GPC6: variants seen among roughly 807,000 people sequenced by gnomAD.
The protein encoded by GPC6 is glypican-6.
A neutral mutation model predicts 55.2 loss-of-function variants in GPC6; 14 were observed. The ratio of observed to expected loss-of-function variants is 0.25; its 90% CI spans 0.17 to 0.40. GPC6 has a LOEUF of 0.40. Among genes scored for constraint, GPC6 ranks in the 10% least tolerant of loss-of-function variants. The probability of loss-of-function intolerance (pLI) is 1.00; values close to 1 mark genes in which losing one functional copy is unlikely to be tolerated. For synonymous variants in GPC6, 278 were observed against 259.6 expected, an observed-to-expected ratio of 1.07 and a Z score of -0.68; for missense variants, 641 against 708.5, an observed-to-expected ratio of 0.90 and a Z score of 1.08.
intron 3 of GPC6, among the ~76,000 whole-genome samples, chr13:93,921,066 A>G (rs2140345117): frequency 6.6e-6 from 1 of 152,276 alleles, no homozygotes; most frequent in African/African-American, 2.4e-5. Context: ...AGTTGTCTCT[A>G]TCAGTCCTGC....
At chr13:93,510,744 A>G (rs1880924025) in intron 1 of GPC6, among the ~76,000 whole-genome samples, 1 of 151,254 alleles carries the variant, frequency 6.6e-6, no homozygotes, top group Non-Finnish European at 1.5e-5. Context: ...ACTGTTTTCT[A>G]CTAGCGTGTT....
chr13:93,433,252 T>C (rs987907011), intron 1 of GPC6, among the ~76,000 whole-genome samples: 4 of 152,132 alleles, frequency 2.6e-5, no homozygotes, highest in Admixed American at 2.6e-4. Flanking sequence ...ATGAGATTCA[T>C]AGGAAATATT....
At chr13:93,821,299 C>T (rs917134279) in intron 2 of GPC6, among the ~76,000 whole-genome samples, 1 of 152,080 alleles carries the variant, frequency 6.6e-6, no homozygotes, top group South Asian at 2.1e-4. Context: ...GAAACTGTTA[C>T]GGTATTTCGT....
At chr13:93,981,516 G>A (rs961796259) in intron 3 of GPC6, among the ~76,000 whole-genome samples, 2 of 152,100 alleles carry the variant, frequency 1.3e-5, no homozygotes, top group African/African-American at 4.8e-5. Flanking sequence ...AATCATATCA[G>A]TGGCTCAGAA....
intron 6 of GPC6, among the ~76,000 whole-genome samples, chr13:94,337,416 G>A (rs187263717): frequency 2.4e-4 from 37 of 151,936 alleles, no homozygotes; most frequent in Non-Finnish European, 2.9e-4. Flanking sequence ...AACATAGATA[G>A]TACATTTAAT....
chr13:93,921,878 C>T (rs1877593193), intron 3 of GPC6, among the ~76,000 whole-genome samples: 1 of 151,622 alleles, frequency 6.6e-6, no homozygotes, highest in African/African-American at 2.4e-5. Flanking sequence ...GGAGCCTTTG[C>T]TGGGGAACTG....
intron 2 of GPC6, among the ~76,000 whole-genome samples, chr13:93,699,856 T>A (rs1007900915): frequency 1.6e-4 from 24 of 152,192 alleles, no homozygotes; most frequent in African/African-American, 4.6e-4. Flanking sequence ...CTTAGAGAAA[T>A]CTTTCCTAAT....
chr13:93,784,689 T>A (rs145646356), intron 2 of GPC6, among the ~76,000 whole-genome samples: 1 of 152,228 alleles, frequency 6.6e-6, no homozygotes, highest in African/African-American at 2.4e-5. Flanking sequence ...ATTTTATGTA[T>A]GCTTGAAGAG....
At chr13:94,288,854 A>G (rs1302032270) in intron 5 of GPC6, among the ~76,000 whole-genome samples, 974 of 53,402 alleles carry the variant, frequency 0.018, 9 homozygotes, top group Non-Finnish European at 0.031. Context: ...AATATATATA[A>G]TAAATATATA....
At chr13:93,909,207 C>A (rs1876833454) in intron 3 of GPC6, among the ~76,000 whole-genome samples, 1 of 152,080 alleles carries the variant, frequency 6.6e-6, no homozygotes, top group Non-Finnish European at 1.5e-5. Context: ...ACTTCAATTT[C>A]TCTAGGAGCC....
At chr13:93,982,055 C>T (rs1262409263) in intron 3 of GPC6, among the ~76,000 whole-genome samples, 1 of 152,052 alleles carries the variant, frequency 6.6e-6, no homozygotes, top group Non-Finnish European at 1.5e-5. Context: ...GTGGAATGGT[C>T]ACTTGGGGTA....
chr13:94,257,776 C>A lies in GPC6; in HGVS notation c.878-28573C>A, dbSNP rs557144101. On this transcript the variant is annotated intron_variant, in intron 4 of 8. Coordinates refer to ENST00000377047, the MANE Select transcript of GPC6 (RefSeq NM_005708.5). ...ACATCATTTTATTGTAATACTGCAACCGCCCTGGCAAAAGAGACCATTAAC... is the reference window on the plus strand; with the variant it reads ...ACATCATTTTATTGTAATACTGCAAACGCCCTGGCAAAAGAGACCATTAAC... Among the ~76,000 whole-genome samples, 3 of 152,172 alleles carry A rather than the reference C, an allele frequency of 2.0e-5. No individual in the cohort carries two copies. The East Asian group carries it at 5.8e-4, about 29-fold the overall frequency.
rs547675383 is a variant in GPC6 at position 93,284,827 on chromosome 13, T to C, written c.160+57211T>C. Among the ~76,000 whole-genome samples the C allele has an allele frequency of 2.0e-5, 3 of 152,314 alleles. No individual in the cohort carries two copies. The South Asian group carries it at 6.2e-4, about 32-fold the overall frequency. ...AATAATAATGAACATAATGTACTAG[T>C]AGATATTTCAATCTTGCTGCCCCAG... On this transcript the variant is annotated intron_variant, in intron 1 of 8. Coordinates refer to ENST00000377047, the MANE Select transcript of GPC6 (RefSeq NM_005708.5).
At chr13:94,301,458 A>G (rs1875648340) in intron 5 of GPC6, among the ~76,000 whole-genome samples, 1 of 152,220 alleles carries the variant, frequency 6.6e-6, no homozygotes, top group Non-Finnish European at 1.5e-5. Context: ...AAGAAACATC[A>G]GACCAGACAT....
chr13:93,522,726 C>T (rs1405674485), intron 1 of GPC6, among the ~76,000 whole-genome samples: 1 of 151,872 alleles, frequency 6.6e-6, no homozygotes, highest in Non-Finnish European at 1.5e-5. Flanking sequence ...CTGATTCCTT[C>T]CCGCTGCTCT....
chr13:93,323,994 A>G (rs997535390), intron 1 of GPC6, among the ~76,000 whole-genome samples: 1 of 152,168 alleles, frequency 6.6e-6, no homozygotes, highest in Non-Finnish European at 1.5e-5. Context: ...CTGCACAACC[A>G]TGTTTGTTAC....
At chr13:93,613,623 C>T (rs1482957845) in intron 2 of GPC6, among the ~76,000 whole-genome samples, 1 of 152,008 alleles carries the variant, frequency 6.6e-6, no homozygotes, top group Non-Finnish European at 1.5e-5. Flanking sequence ...GTCAGTGAAT[C>T]TCTAGAAAGG....
At chr13:94,130,247 C>G (rs1886963388) in intron 4 of GPC6, among the ~76,000 whole-genome samples, 2 of 152,016 alleles carry the variant, frequency 1.3e-5, no homozygotes, top group South Asian at 4.1e-4. Flanking sequence ...TTTTCTGTAT[C>G]AAAACTAACC....
At position 94,062,990 on chromosome 13, in the gene GPC6, C is replaced by T. The variant is rs1034044800; in HGVS notation, c.877+35096C>T. 2.0e-4 allele frequency among the ~76,000 whole-genome samples: 31 copies of T among 152,114 alleles called. 2 individuals carry two copies. Among genetic ancestry groups the T allele is most frequent in the Admixed American group, 2.0e-3 (30 of 15,264 alleles). On this transcript the variant is annotated intron_variant, in intron 4 of 8. Transcript: ENST00000377047. ...TGCATGGGGATGTTTTTCTTCCAGC[C>T]GCTAGGCACGGGGTCAGGTGTCATT...
Sources: allele counts gnomAD v4.1 joint callset (sites outside exome capture counted in the v4.1 genomes callset), GRCh38; gene constraint gnomAD v4.1.1; transcripts MANE v1.5; gene names NCBI Gene and HGNC (gene_info 2026-07-23, HGNC 2026-07-21).